The following SLC24A3 variants were observed in gnomAD, a reference collection of about 807,000 sequenced individuals.
SLC24A3 encodes solute carrier family 24 member 3, also known as sodium/potassium/calcium exchanger 3.
A neutral mutation model predicts 75.8 loss-of-function variants in SLC24A3; 28 were observed. The ratio of observed to expected loss-of-function variants is 0.37; its 90% CI spans 0.27 to 0.51. The LOEUF (loss-of-function observed/expected upper bound fraction) is 0.51, where lower values mean the gene tolerates loss of function less well. Among genes scored for constraint, SLC24A3 ranks in the 20% least tolerant of loss-of-function variants. SLC24A3 has a pLI of 0.94. For synonymous variants in SLC24A3, 372 were observed against 334.1 expected (o/e 1.11, Z -1.24); for missense variants, 663 against 847.8 (o/e 0.78, Z 2.71).
intron 6 of SLC24A3, among the ~76,000 whole-genome samples, chr20:19,644,737 T>C (rs1483736023): frequency 6.6e-6 from 1 of 152,186 alleles, no homozygotes; most frequent in Admixed American, 6.5e-5. Context: ...TGAATTCTTA[T>C]CAATATAGCC....
At chr20:19,278,890 C>T (rs1000360778) in intron 1 of SLC24A3, among the ~76,000 whole-genome samples, 8 of 152,224 alleles carry the variant, frequency 5.3e-5, no homozygotes, top group African/African-American at 1.9e-4. Context: ...AGTTCATGAG[C>T]TACTGATATT....
chr20:19,237,421 T>C (rs967833395), intron 1 of SLC24A3, among the ~76,000 whole-genome samples: 1 of 152,212 alleles, frequency 6.6e-6, no homozygotes, highest in African/African-American at 2.4e-5. Flanking sequence ...AATTACCTTC[T>C]GAGAAGGCCT....
chr20:19,664,275 A>G (rs117525140), intron 7 of SLC24A3, among the ~76,000 whole-genome samples: 3 of 152,338 alleles, frequency 2.0e-5, no homozygotes, highest in East Asian at 1.9e-4. Flanking sequence ...AGAGCTGTCA[A>G]TGCCTTCTAG....
At chr20:19,443,436 T>C (rs1371927792) in intron 2 of SLC24A3, among the ~76,000 whole-genome samples, 1 of 152,222 alleles carries the variant, frequency 6.6e-6, no homozygotes, top group African/African-American at 2.4e-5. Flanking sequence ...TTGGTGCTAA[T>C]ATAAATGGTA....
At chr20:19,603,449 T>A (rs1398971626) in intron 6 of SLC24A3, among the ~76,000 whole-genome samples, 1 of 152,218 alleles carries the variant, frequency 6.6e-6, no homozygotes, top group Non-Finnish European at 1.5e-5. Context: ...TTGCCGGCTC[T>A]TGGTGCTCAC....
At chr20:19,224,915 T>C (rs1163762391) in intron 1 of SLC24A3, among the ~76,000 whole-genome samples, 1 of 152,224 alleles carries the variant, frequency 6.6e-6, no homozygotes, top group Non-Finnish European at 1.5e-5. Flanking sequence ...AATGCTGGAA[T>C]CTTTCTGGGA....
chr20:19,261,851 C>G (rs1434708727), intron 1 of SLC24A3: 3 of 152,178 alleles, frequency 2.0e-5, no homozygotes, highest in Admixed American at 2.0e-4. Context: ...CTTAATCTGA[C>G]ATATAAGTCA....
chr20:19,306,106 A>C (rs780063652), intron 2 of SLC24A3, among the ~76,000 whole-genome samples: 1 of 152,240 alleles, frequency 6.6e-6, no homozygotes, highest in Non-Finnish European at 1.5e-5. Context: ...ACGTGTGGCC[A>C]ACAAATATAT....
chr20:19,485,691 G>A (rs1988117788), intron 2 of SLC24A3, among the ~76,000 whole-genome samples: 1 of 152,066 alleles, frequency 6.6e-6, no homozygotes, highest in Non-Finnish European at 1.5e-5. Context: ...AGTCATACTG[G>A]CCTCACAGCT....
chr20:19,519,299 C>T (rs918301654), intron 3 of SLC24A3, among the ~76,000 whole-genome samples: 4 of 152,192 alleles, frequency 2.6e-5, no homozygotes, highest in Non-Finnish European at 5.9e-5. Flanking sequence ...TCTTTTAAAC[C>T]TTAAATGACA....
chr20:19,406,205 T>TGC (rs1007417143), intron 2 of SLC24A3, among the ~76,000 whole-genome samples: 6 of 148,348 alleles, frequency 4.0e-5, no homozygotes, highest in East Asian at 2.0e-4. Context: ...TGTGTGTGTG[T>TGC]GTGCGTGCGT....
chr20:19,338,719 A>T (rs1047944587), intron 2 of SLC24A3, among the ~76,000 whole-genome samples: 2 of 152,196 alleles, frequency 1.3e-5, no homozygotes, highest in African/African-American at 4.8e-5. Flanking sequence ...ACCTCAAGGG[A>T]CTTCAGGTTT....
intron 1 of SLC24A3, among the ~76,000 whole-genome samples, chr20:19,213,816 C>G (rs1981478067): frequency 6.6e-6 from 1 of 152,124 alleles, no homozygotes; most frequent in Non-Finnish European, 1.5e-5. Context: ...TCCTGGGATT[C>G]AGCTGTCTAT....
intron 15 of SLC24A3, among the ~76,000 whole-genome samples, chr20:19,708,539 C>G (rs971022750): frequency 2.0e-5 from 3 of 152,184 alleles, no homozygotes; most frequent in African/African-American, 7.2e-5. Context: ...CTGGAGCCAA[C>G]TCATATAGCC....
At chr20:19,667,661 A>G (rs1428976144) in intron 8 of SLC24A3, among the ~76,000 whole-genome samples, 1 of 152,134 alleles carries the variant, frequency 6.6e-6, no homozygotes, top group East Asian at 1.9e-4. Context: ...CCTTAGAGGG[A>G]GCCGTCTTTT....
chr20:19,218,667 T>A (rs1981627640), intron 1 of SLC24A3, among the ~76,000 whole-genome samples: 1 of 152,128 alleles, frequency 6.6e-6, no homozygotes, highest in African/African-American at 2.4e-5. Context: ...TTTCCTCCAC[T>A]TGCAAGCCTC....
At chr20:19,408,899 A>G (rs1192928974) in intron 2 of SLC24A3, among the ~76,000 whole-genome samples, 2 of 152,196 alleles carry the variant, frequency 1.3e-5, no homozygotes, top group African/African-American at 4.8e-5. Context: ...TCATGTTTTC[A>G]TTCATTCATT....
At position 19,280,985 on chromosome 20, in the gene SLC24A3, G is replaced by A. The variant is rs1281021116; in HGVS notation, c.169G>A (p.Glu57Lys). Residue 57 changes from glutamate to lysine, a missense_variant, in exon 2 of 17, where the codon GAA (glutamate) becomes AAA (lysine). Physicochemically the swap from Glu to Lys is moderately conservative, Grantham distance 56. Transcript: ENST00000328041. Reference protein sequence around the residue: ...KELDLMDLVGEDRKWMMARKL... With the variant: ...KELDLMDLVGKDRKWMMARKL... ...GCTTGACCTCATGGACCTCGTAGGG[G>A]AAGACAGAAAGTGGATGATGGCGAG... The A allele has an allele frequency of 6.2e-7, 1 of 1,613,870 alleles. No homozygotes were observed. The highest frequency in any genetic ancestry group is 8.5e-7 in the Non-Finnish European group (1 of 1,179,942).
intron 2 of SLC24A3, among the ~76,000 whole-genome samples, chr20:19,340,017 G>A (rs1264013922): frequency 1.3e-5 from 2 of 152,172 alleles, no homozygotes; most frequent in Non-Finnish European, 1.5e-5. Flanking sequence ...GCATGTGGGG[G>A]ATCCAAGGGG....
Sources: allele counts gnomAD v4.1 joint callset (sites outside exome capture counted in the v4.1 genomes callset), GRCh38; gene constraint gnomAD v4.1.1; transcripts MANE v1.5; gene names NCBI Gene and HGNC (gene_info 2026-07-23, HGNC 2026-07-21).